The following SNRPG variants were observed in gnomAD, a reference collection of about 807,000 sequenced individuals.
SNRPG encodes small nuclear ribonucleoprotein polypeptide G.
Under a neutral mutation model 13.9 loss-of-function variants are expected in SNRPG, and 3 were observed. That is an observed-to-expected ratio of 0.22 (90% CI 0.10 to 0.56). SNRPG has a LOEUF of 0.56. Among genes scored for constraint, SNRPG ranks in the 20% least tolerant of loss-of-function variants. The pLI, the probability that SNRPG is intolerant of heterozygous loss-of-function variation, is 0.93. For synonymous variants in SNRPG, 29 were observed against 29.3 expected (o/e 0.99, Z 0.03); for missense variants, 34 against 96.1 (o/e 0.35, Z 2.70).
At chr2:70,290,343 C>G (rs889828726) in intron 1 of SNRPG, among the ~76,000 whole-genome samples, 3 of 151,688 alleles carry the variant, frequency 2.0e-5, no homozygotes, top group Non-Finnish European at 4.4e-5. Context: ...CATAAATGTT[C>G]AGGGTAGTCC....
At chr2:70,290,678 C>T (rs1697061177) in intron 1 of SNRPG, among the ~76,000 whole-genome samples, 1 of 151,564 alleles carries the variant, frequency 6.6e-6, no homozygotes, top group Non-Finnish European at 1.5e-5. Context: ...GGAGTAGATA[C>T]ATTTACAAGT....
chr2:70,293,464 A>T (rs908062850), intron 1 of SNRPG, 154 bp downstream of exon 1: 5 of 768,840 alleles, frequency 6.5e-6, no homozygotes, highest in Non-Finnish European at 1.2e-5. Flanking sequence ...TTCACGTCTC[A>T]TGCGCGGGAG....
At position 70,288,756 on chromosome 2, in the gene SNRPG, C is replaced by T. The variant is rs148068255; in HGVS notation, c.56-564G>A. ...AAGAAACAAGATAACTGTTCCTTGT[C>T]TAAGTCCTTTGTAGCTTGTTTAAAG... On this transcript the variant is annotated intron_variant, in intron 2 of 3. Transcript: ENST00000272348. 7.0e-4 allele frequency among the ~76,000 whole-genome samples: 106 copies of T among 152,324 alleles called. 2 individuals carry two copies. In the East Asian group the frequency reaches 0.02, roughly 29 times the overall value.
chr2:70,290,908 GGCTGAGGCAGGAGAATC>G (rs1697072725), intron 1 of SNRPG, among the ~76,000 whole-genome samples: 1 of 149,280 alleles, frequency 6.7e-6, no homozygotes, highest in South Asian at 2.1e-4. Context: ...CTACTCGGGA[GGCTGAGGCAGGAGAATC>G]GCTTGAACCC....
intron 1 of SNRPG, among the ~76,000 whole-genome samples, chr2:70,290,111 C>G (rs992095663): frequency 6.6e-6 from 1 of 151,018 alleles, no homozygotes; most frequent in African/African-American, 2.4e-5. Flanking sequence ...CAAAGTGCCG[C>G]TGGGATTACA....
At position 70,292,095 on chromosome 2, in the gene SNRPG, C is replaced by T. The variant is rs536889621; in HGVS notation, c.32+1523G>A. On this transcript the variant is annotated intron_variant, in intron 1 of 3. Transcript: ENST00000272348. ...CCCGAGTAGCTGGGACTACAAGCGCCCGCCACCAAGCCCACGTAATTTTTT... is the reference window on the plus strand; with the variant it reads ...CCCGAGTAGCTGGGACTACAAGCGCTCGCCACCAAGCCCACGTAATTTTTT... 4.6e-5 allele frequency among the ~76,000 whole-genome samples: 7 copies of T among 151,154 alleles called. No individual in the cohort carries two copies. In the South Asian group the frequency reaches 1.3e-3, roughly 27 times the overall value.
chr2:70,286,726 T>G (rs1399665910), intron 3 of SNRPG, among the ~76,000 whole-genome samples: 2 of 152,202 alleles, frequency 1.3e-5, no homozygotes, highest in African/African-American at 2.4e-5. Context: ...CCTTCTCTGA[T>G]AAAATTCCAA....
intron 1 of SNRPG, among the ~76,000 whole-genome samples, chr2:70,291,710 C>G (rs17615619): frequency 0.061 from 9,331 of 152,110 alleles, 364 homozygotes; most frequent in East Asian, 0.18. Context: ...TTTCACAATT[C>G]ATGAAACCTA....
rs536887031 is a variant in SNRPG, at chr2:70,284,330, C to T, written c.181-2646G>A. On this transcript the variant is annotated intron_variant, in intron 3 of 3. Coordinates refer to ENST00000272348, the MANE Select transcript of SNRPG (RefSeq NM_003096.4). ...TATAGGCGCACATCACCATGCCCAG[C>T]ATAAGCCAGGAGTAGAAACATGCTT... 1.6e-3 allele frequency among the ~76,000 whole-genome samples: 249 copies of T among 152,282 alleles called. 7 individuals are homozygous for T. Among genetic ancestry groups the T allele is most frequent in the Non-Finnish European group, 1.9e-4 (13 of 68,016 alleles).
chr2:70,286,693 A>C (rs1696951023), intron 3 of SNRPG, among the ~76,000 whole-genome samples: 1 of 152,124 alleles, frequency 6.6e-6, no homozygotes, highest in Admixed American at 6.6e-5. Flanking sequence ...TTAGGGGGAA[A>C]ATTGCCAGAG....
intron 3 of SNRPG, among the ~76,000 whole-genome samples, chr2:70,282,764 C>G (rs1696826405): frequency 6.6e-6 from 1 of 152,132 alleles, no homozygotes; most frequent in Admixed American, 6.5e-5. Context: ...CCTAGGAGAA[C>G]AGTGCTTGAC....
intron 1 of SNRPG, among the ~76,000 whole-genome samples, chr2:70,290,556 GAAAA>G (rs550298936): frequency 6.6e-6 from 1 of 151,588 alleles, no homozygotes; most frequent in Admixed American, 6.6e-5. Context: ...ATAAAAAAAT[GAAAA>G]AAAGATGTTT....
intron 1 of SNRPG, chr2:70,293,154 A>C (rs1487052686): frequency 2.8e-6 from 2 of 702,332 alleles, no homozygotes; most frequent in Non-Finnish European, 5.2e-6. Context: ...AACACCTACA[A>C]ACACATTTGC....
chr2:70,283,476 CT>C (rs2104910585), intron 3 of SNRPG, among the ~76,000 whole-genome samples: 1 of 152,278 alleles, frequency 6.6e-6, no homozygotes, highest in African/African-American at 2.4e-5. Context: ...GTAACTTATT[CT>C]TTTCTCACAG....
In SNRPG at chr2:70,281,701, T is replaced by A. The variant is rs1404327204; in HGVS notation, c.181-17A>T. The stretch of plus-strand genomic sequence containing the variant: ...TCGTATTACCTAAGAAAGAGAAAAA[T>A]AAATTTGAAAAGAACAACTCAGGTA... On this transcript the variant is annotated splice_polypyrimidine_tract_variant and intron_variant, in intron 3 of 3. Coordinates refer to ENST00000272348, the MANE Select transcript of SNRPG (RefSeq NM_003096.4). The A allele has an allele frequency of 6.3e-6, 9 of 1,436,576 alleles. No individual in the cohort carries two copies. Among genetic ancestry groups the A allele is most frequent in the Non-Finnish European group, 7.8e-6 (8 of 1,028,030 alleles). 89.0% of individuals were successfully genotyped at this position (1,436,576 alleles called of 1,614,324 possible).
chr2:70,287,990 G>C, intron 3 of SNRPG, 78 bp downstream of exon 3: 2 of 1,367,726 alleles, frequency 1.5e-6, no homozygotes. Context: ...CATTTCTGGG[G>C]GTTACTAACC....
chr2:70,284,652 G>T (rs55634460), intron 3 of SNRPG, among the ~76,000 whole-genome samples: 66,666 of 152,056 alleles, frequency 0.44, 18,007 homozygotes, highest in Middle Eastern at 0.63. Context: ...CCAAAGTGCT[G>T]GGATTACAGG....
At chr2:70,292,090 A>G (rs1697114293) in intron 1 of SNRPG, among the ~76,000 whole-genome samples, 2 of 149,766 alleles carry the variant, frequency 1.3e-5, no homozygotes, top group South Asian at 4.2e-4. Context: ...TGGGACTACA[A>G]GCGCCCGCCA....
intron 3 of SNRPG, among the ~76,000 whole-genome samples, chr2:70,284,709 T>C (rs1168482363): frequency 6.7e-6 from 1 of 148,284 alleles, no homozygotes. Flanking sequence ...AAATTCTCAA[T>C]TTTTTTTTTG....
Sources: allele counts gnomAD v4.1 joint callset (sites outside exome capture counted in the v4.1 genomes callset), GRCh38; gene constraint gnomAD v4.1.1; transcripts MANE v1.5; gene names NCBI Gene and HGNC (gene_info 2026-07-23, HGNC 2026-07-21).